PDP1: variants seen among roughly 807,000 people sequenced by gnomAD.
PDP1 encodes the protein pyruvate dehydrogenase phosphatase catalytic subunit 1.
PDP1 carries 14 observed loss-of-function variants against 37.1 expected under a neutral mutation model. That is an observed-to-expected ratio of 0.38 (90% confidence interval 0.25 to 0.59). The LOEUF (loss-of-function observed/expected upper bound fraction) is 0.59, where lower values mean the gene tolerates loss of function less well. Among genes scored for constraint, PDP1 ranks in the 20% least tolerant of loss-of-function variants. The probability of loss-of-function intolerance (pLI) is 0.67; values close to 1 mark genes in which losing one functional copy is unlikely to be tolerated. For missense variants in PDP1, 544 were observed against 655.3 expected, an observed-to-expected ratio of 0.83 and a Z score of 1.85; for synonymous variants, 251 against 243.3, an observed-to-expected ratio of 1.03 and a Z score of -0.29.
rs980719870 is a variant in PDP1, at chr8:93,920,797, CATA to C, written c.-44-1215_-44-1213del. The C allele has an allele frequency of 1.1e-4, 79 of 714,222 alleles. No homozygotes were observed. The Middle Eastern group carries it at 3.6e-3, about 33-fold the overall frequency. The allele number at this position is 714,222 out of a possible 1,614,324, so 44.2% of individuals were successfully genotyped here. A position where few individuals can be genotyped will look rare whatever the true frequency, so the allele number is the denominator to read the frequency against. On this transcript the variant is annotated intron_variant, in intron 1 of 1. Coordinates refer to ENST00000297598, the MANE Select transcript of PDP1 (RefSeq NM_018444.4). ...ATTTATTTTTAATTTACAATTGACACATAATATTATATATTTATGGGGTACAAT... is the reference window on the plus strand; with the variant it reads ...ATTTATTTTTAATTTACAATTGACACATATTATATATTTATGGGGTACAAT...
chr8:93,917,666 G>C, intron 1 of PDP1: 1 of 737,380 alleles, frequency 1.4e-6, no homozygotes, highest in Non-Finnish European at 2.2e-6. Context: ...TCCCCGGCGG[G>C]GTGGGTTGGT....
intron 1 of PDP1, among the ~76,000 whole-genome samples, chr8:93,918,252 G>C (rs1269701447): frequency 3.3e-5 from 5 of 152,186 alleles, no homozygotes. Flanking sequence ...AAAAATCGCG[G>C]ATGGTCTTTA....
chr8:93,923,794 C>A lies in PDP1; in HGVS notation c.*121C>A. ...ATTCTAAGCATTTACCCTTTTGATA[C>A]TCTAGCTAGTCAGGTACTCCAAATT... On this transcript the variant is annotated 3_prime_UTR_variant, in exon 2 of 2. Coordinates refer to ENST00000297598, the MANE Select transcript of PDP1 (RefSeq NM_018444.4). The surrounding 1 kb of genome is among the most constrained non-coding windows in gnomAD (Gnocchi z 4.3). 1.1e-6 allele frequency: 1 copy of A among 872,950 alleles called. No homozygotes were observed. Among genetic ancestry groups the A allele is most frequent in the Non-Finnish European group, 1.9e-6 (1 of 524,542 alleles). 54.1% of individuals were successfully genotyped at this position (872,950 alleles called of 1,614,324 possible). A position where few individuals can be genotyped will look rare whatever the true frequency, so the allele number is the denominator to read the frequency against.
chr8:93,920,178 G>T (rs1810225067), intron 1 of PDP1, among the ~76,000 whole-genome samples: 1 of 152,186 alleles, frequency 6.6e-6, no homozygotes, highest in African/African-American at 2.4e-5. Context: ...GAGAATCTGT[G>T]TGGCTGGCTT....
In PDP1 at chr8:93,924,480, C is replaced by A. The variant is rs188727327; in HGVS notation, c.*807C>A. The A allele has an allele frequency of 6.0e-6, 1 of 167,188 alleles. No homozygotes were observed. The highest frequency in any genetic ancestry group is 6.5e-5 in the Admixed American group (1 of 15,310). 10.4% of individuals were successfully genotyped at this position (167,188 alleles called of 1,614,324 possible). ...GACTGATCTCTTCAATTATTGTCAT[C>A]TGTAGCCACCAGCACATCACTCTTA... On this transcript the variant is annotated 3_prime_UTR_variant, in exon 2 of 2. Transcript: ENST00000297598.
At chr8:93,920,523 A>T in intron 1 of PDP1, 1 of 943,750 alleles carries the variant, frequency 1.1e-6, no homozygotes, top group Non-Finnish European at 1.3e-6. Flanking sequence ...GAGGAAGAAG[A>T]GGGATTTTTT....
intron 1 of PDP1, 198 bp from the exon 2 acceptor site, chr8:93,921,818 C>A: frequency 1.9e-6 from 1 of 513,640 alleles, no homozygotes; most frequent in Non-Finnish European, 3.4e-6. Flanking sequence ...CGTGGTTCCA[C>A]GAATGATTGG....
chr8:93,916,995 G>C lies in PDP1; in HGVS notation c.-129G>C. ...GGCTCGCGCTCCGGGAGCTGCACGG[G>C]GCTGCGTGGAAAGAGCGCCGAGCGG... On this transcript the variant is annotated 5_prime_UTR_variant, in exon 1 of 2. Transcript: ENST00000297598. The C allele has an allele frequency of 2.1e-6, 1 of 477,034 alleles. No homozygotes were observed. Among genetic ancestry groups the C allele is most frequent in the Non-Finnish European group, 4.1e-6 (1 of 241,020 alleles). 29.6% of individuals were successfully genotyped at this position (477,034 alleles called of 1,614,324 possible).
chr8:93,920,889 C>G, intron 1 of PDP1: 1 of 913,062 alleles, frequency 1.1e-6, no homozygotes, highest in African/African-American at 1.8e-5. Context: ...GAGTGATTAC[C>G]ATATCCAAGA....
chr8:93,920,735 T>TC (rs1810242562), intron 1 of PDP1: 1 of 917,960 alleles, frequency 1.1e-6, no homozygotes, highest in Non-Finnish European at 1.3e-6. Flanking sequence ...TTTTTTTTTT[T>TC]TTTTAATGTG....
At chr8:93,920,755 A>AT in intron 1 of PDP1, 1 of 867,770 alleles carries the variant, frequency 1.2e-6, no homozygotes, top group Non-Finnish European at 1.4e-6. Context: ...GAGAGAAAAC[A>AT]TTTTTGGTCT....
intron 1 of PDP1, among the ~76,000 whole-genome samples, chr8:93,919,385 G>GGA (rs545707252): frequency 1.1e-3 from 162 of 152,236 alleles, no homozygotes; most frequent in Non-Finnish European, 1.7e-3. Flanking sequence ...GAATTAGCCG[G>GGA]GCAGGAGAAT....
intron 1 of PDP1, chr8:93,917,981 A>T: frequency 1.2e-6 from 2 of 1,613,052 alleles, no homozygotes; most frequent in Non-Finnish European, 1.7e-6. Context: ...TTGGGTACCC[A>T]GGAAGGATGG....
intron 1 of PDP1, chr8:93,917,891 G>T: frequency 6.2e-7 from 1 of 1,614,012 alleles, no homozygotes; most frequent in Non-Finnish European, 8.5e-7. Flanking sequence ...GATGTTGTCG[G>T]CTCCGTGTTG....
rs748131394 is a variant in PDP1, at chr8:93,917,846, T to C, written c.-45+767T>C. 11 of 1,613,156 alleles carry C rather than the reference T, an allele frequency of 6.8e-6. No homozygotes were observed. In the African/African-American group the frequency reaches 1.5e-4, roughly 22 times the overall value. On this transcript the variant is annotated intron_variant, in intron 1 of 1. Transcript: ENST00000297598. ...CTCTGCCTTGCTTTCAATGGGCCGG[T>C]GCTGCTGTCGCTGCTGCTGCCCGCG...
chr8:93,922,737 G>A lies in PDP1; in HGVS notation c.678G>A (p.Glu226=). Residue 226 remains glutamate, a synonymous_variant, in exon 2 of 2, where the codon GAG becomes GAA. Coordinates refer to ENST00000297598, the MANE Select transcript of PDP1 (RefSeq NM_018444.4). This position sits in a 1 kb window ranked among gnomAD's most constrained non-coding sequence, Gnocchi z 4.0. ...AGCTTATAGACCTCAACACTGGTGAGTCGACTGATATTGATGTTAAGGAGG... is the reference window on the plus strand; with the variant it reads ...AGCTTATAGACCTCAACACTGGTGAATCGACTGATATTGATGTTAAGGAGG... ...WQELIDLNTG[E]STDIDVKEAL... is the part of the protein sequence containing the mutation. The A allele has an allele frequency of 6.2e-7, 1 of 1,614,148 alleles. No individual in the cohort carries two copies. The highest frequency in any genetic ancestry group is 8.5e-7 in the Non-Finnish European group (1 of 1,180,000).
chr8:93,922,484 T>C lies in PDP1; in HGVS notation c.425T>C (p.Val142Ala). ...CLQTRGMLLGVFDGHAGCACS... is the reference protein window; with the variant it reads ...CLQTRGMLLGAFDGHAGCACS... ...CAGACCAGAGGGATGCTTTTGGGGG[T>C]TTTTGATGGCCATGCAGGTTGTGCT... The change falls in exon 2 of 2, where the codon GTT becomes GCT. Residue 142 changes from valine (V) to alanine (A), a missense_variant. Physicochemically the swap from Val to Ala is moderately conservative, Grantham distance 64. Coordinates refer to ENST00000297598, the MANE Select transcript of PDP1 (RefSeq NM_018444.4). The surrounding 1 kb of genome is among the most constrained non-coding windows in gnomAD (Gnocchi z 4.0). 1 of 1,613,586 alleles carries C rather than the reference T, an allele frequency of 6.2e-7. No individual in the cohort carries two copies. Among genetic ancestry groups the C allele is most frequent in the Non-Finnish European group, 8.5e-7 (1 of 1,179,882 alleles).
At chr8:93,921,826 TG>T (rs1478764689) in intron 1 of PDP1, 189 bp from the exon 2 acceptor site, 2 of 518,026 alleles carry the variant, frequency 3.9e-6, no homozygotes, top group Non-Finnish European at 3.4e-6. Context: ...CACGAATGAT[TG>T]GGAGTTGTGC....
chr8:93,920,421 GTTTA>G (rs1229791072), intron 1 of PDP1: 1 of 419,426 alleles, frequency 2.4e-6, no homozygotes, highest in African/African-American at 2.2e-5. Flanking sequence ...TATTGCATTT[GTTTA>G]TTTAAAGTAT....
Sources: gnomAD v4.1 joint callset for allele counts (sites outside exome capture counted in the v4.1 genomes callset) on GRCh38, gnomAD v4.1.1 for gene constraint, Gnocchi (gnomAD v3.1) non-coding constraint, MANE v1.5 for transcripts, NCBI Gene and HGNC (gene_info 2026-07-23, HGNC 2026-07-21) for gene names.